The following MED13L variants were observed in gnomAD, a reference collection of about 807,000 sequenced individuals.
The protein encoded by MED13L is mediator complex subunit 13L.
In MED13L, 7 loss-of-function variants were observed where a neutral mutation model predicts 220.9. The observed-to-expected ratio is 0.03, with a 90% CI of 0.02 to 0.06. The LOEUF is 0.06. Ranked by LOEUF, MED13L falls within the 10% of genes least tolerant of loss-of-function variation. The probability of loss-of-function intolerance (pLI) is 1.00; values close to 1 mark genes in which losing one functional copy is unlikely to be tolerated. For missense variants in MED13L, 1,965 were observed against 2,760.5 expected (o/e 0.71, Z 6.46); for synonymous variants, 1,011 against 1,015.2 (o/e 1.00, Z 0.08).
At chr12:116,071,667 T>C (rs964022078) in intron 4 of MED13L, among the ~76,000 whole-genome samples, 4 of 152,214 alleles carry the variant, frequency 2.6e-5, no homozygotes, top group African/African-American at 9.7e-5. Context: ...CATCATATGA[T>C]GTGATTAGTG....
At chr12:116,113,461 T>C (rs1230970835) in intron 2 of MED13L, among the ~76,000 whole-genome samples, 1 of 143,308 alleles carries the variant, frequency 7.0e-6, no homozygotes, top group Non-Finnish European at 1.5e-5. Context: ...ACACAGCCAG[T>C]CCCCATCTCT....
At chr12:116,238,206 CAA>C (rs1386209295) in intron 1 of MED13L, among the ~76,000 whole-genome samples, 1 of 152,014 alleles carries the variant, frequency 6.6e-6, no homozygotes, top group Non-Finnish European at 1.5e-5. Flanking sequence ...TCATGAATGC[CAA>C]AAGTCTATTT....
rs866466642 is a variant in MED13L at position 116,031,351 on chromosome 12, G to A, written c.480-8750C>T. On this transcript the variant is annotated intron_variant, in intron 4 of 30. Coordinates refer to ENST00000281928, the MANE Select transcript of MED13L (RefSeq NM_015335.5). ...TCCAAGCACTTTGGGAGGCAGAGGC[G>A]GGCGGATCACGAGGTCAGGAGATTG... 3.9e-5 allele frequency among the ~76,000 whole-genome samples: 6 copies of A among 151,982 alleles called. No individual in the cohort carries two copies. In the East Asian group the frequency reaches 7.8e-4, roughly 20 times the overall value.
rs191129915 is a variant in MED13L, at chr12:115,961,570, T to C, written c.6501-172A>G. ...TCATGTTCCTCCTTCCTTCTAGATA[T>C]GGACTATCCAGTACAGTAGCCAGCA... On this transcript the variant is annotated intron_variant, in intron 30 of 30. Transcript: ENST00000281928. 11 of 929,022 alleles carry C rather than the reference T, an allele frequency of 1.2e-5. No homozygotes were observed. The East Asian group carries it at 1.3e-4, about 11-fold the overall frequency. 57.5% of individuals were successfully genotyped at this position (929,022 alleles called of 1,614,324 possible). A position where few individuals can be genotyped will look rare whatever the true frequency, so the allele number is the denominator to read the frequency against.
intron 2 of MED13L, among the ~76,000 whole-genome samples, chr12:116,165,531 T>C (rs1001899385): frequency 1.1e-4 from 17 of 151,608 alleles, no homozygotes; most frequent in African/African-American, 3.4e-4. Context: ...GGGGTTTCAC[T>C]GTGTTAGCCG....
At chr12:116,192,464 A>G (rs557400990) in intron 2 of MED13L, among the ~76,000 whole-genome samples, 1 of 152,360 alleles carries the variant, frequency 6.6e-6, no homozygotes, top group Admixed American at 6.5e-5. Flanking sequence ...AACACATTTA[A>G]TGAGAGAAAT....
At chr12:116,210,072 C>T (rs1415585712) in intron 2 of MED13L, among the ~76,000 whole-genome samples, 2 of 152,186 alleles carry the variant, frequency 1.3e-5, no homozygotes, top group Non-Finnish European at 2.9e-5. Flanking sequence ...GCTGCCCTCC[C>T]TTCCCACTGC....
intron 2 of MED13L, among the ~76,000 whole-genome samples, chr12:116,190,004 T>C (rs145642130): frequency 1.3e-5 from 2 of 152,302 alleles, no homozygotes; most frequent in African/African-American, 4.8e-5. Flanking sequence ...ATCTGGAAAC[T>C]GGGACAGTTT....
intron 8 of MED13L, among the ~76,000 whole-genome samples, chr12:116,013,729 A>G (rs1879557941): frequency 6.6e-6 from 1 of 152,226 alleles, no homozygotes; most frequent in Admixed American, 6.5e-5. Context: ...ATACAATGAA[A>G]TAACAATAAG....
At chr12:116,197,313 T>C (rs1293371499) in intron 2 of MED13L, among the ~76,000 whole-genome samples, 2 of 152,198 alleles carry the variant, frequency 1.3e-5, no homozygotes, top group African/African-American at 4.8e-5. Context: ...TAGTTATCTG[T>C]ACATGTCAGT....
chr12:115,983,976 T>G (rs1297333723), intron 20 of MED13L, among the ~76,000 whole-genome samples: 1 of 152,208 alleles, frequency 6.6e-6, no homozygotes, highest in Non-Finnish European at 1.5e-5. Flanking sequence ...TTAGACATGA[T>G]TAGGCAACTT....
chr12:116,196,631 C>T (rs1881642543), intron 2 of MED13L, among the ~76,000 whole-genome samples: 2 of 152,158 alleles, frequency 1.3e-5, no homozygotes, highest in African/African-American at 4.8e-5. Context: ...GCCATCAACA[C>T]AATTTATTCA....
chr12:116,032,399 A>C (rs890944587), intron 4 of MED13L, among the ~76,000 whole-genome samples: 1 of 152,180 alleles, frequency 6.6e-6, no homozygotes, highest in Non-Finnish European at 1.5e-5. Flanking sequence ...ACTCAAGGAC[A>C]AAGAGGCCAA....
Position 116,082,414 on chromosome 12 carries a change from T to G in MED13L, c.479+14255A>C, listed in dbSNP as rs146467556. Among the ~76,000 whole-genome samples the G allele has an allele frequency of 1.4e-3, 217 of 152,334 alleles. 3 individuals carry two copies. The East Asian group carries it at 0.036, about 25-fold the overall frequency. ...AAAAATATATAGAAGTGTTGGTGGT[T>G]TGTAAGGAACTTGCTTCTTTCCTCA... is the stretch of plus-strand genomic sequence containing the variant. On this transcript the variant is annotated intron_variant, in intron 4 of 30. Coordinates refer to ENST00000281928, the MANE Select transcript of MED13L (RefSeq NM_015335.5).
chr12:116,219,345 G>T (rs949666899), intron 2 of MED13L, among the ~76,000 whole-genome samples: 1 of 151,988 alleles, frequency 6.6e-6, no homozygotes, highest in Non-Finnish European at 1.5e-5. Context: ...ATACGTTAAA[G>T]GTAAAGATAG....
intron 4 of MED13L, among the ~76,000 whole-genome samples, chr12:116,071,971 T>A (rs563997903): frequency 6.6e-6 from 1 of 152,364 alleles, no homozygotes; most frequent in South Asian, 2.1e-4. Flanking sequence ...ACAGAAGTTG[T>A]CATCTGATTT....
At chr12:116,097,155 G>C (rs1872696829) in intron 3 of MED13L, among the ~76,000 whole-genome samples, 1 of 146,850 alleles carries the variant, frequency 6.8e-6, no homozygotes, top group East Asian at 2.0e-4. Flanking sequence ...CATCTTTCAA[G>C]TTTTTTTTTT....
At chr12:116,001,767 C>G (rs532318534) in intron 14 of MED13L, among the ~76,000 whole-genome samples, 21 of 152,242 alleles carry the variant, frequency 1.4e-4, no homozygotes, top group African/African-American at 4.8e-4. Context: ...TTATAACGTG[C>G]ACTTTATCAT....
At chr12:116,194,781 T>A (rs753466312) in intron 2 of MED13L, among the ~76,000 whole-genome samples, 1 of 152,178 alleles carries the variant, frequency 6.6e-6, no homozygotes, top group Non-Finnish European at 1.5e-5. Context: ...CCAATCAAGA[T>A]GGCATCATAA....
Sources: allele counts gnomAD v4.1 joint callset (sites outside exome capture counted in the v4.1 genomes callset), GRCh38; gene constraint gnomAD v4.1.1; transcripts MANE v1.5; gene names NCBI Gene and HGNC (gene_info 2026-07-23, HGNC 2026-07-21).